ZNF385D: variants seen among roughly 807,000 people sequenced by gnomAD.
ZNF385D encodes the protein zinc finger protein 659.
ZNF385D carries 15 observed loss-of-function variants against 35.8 expected under a neutral mutation model. That is an observed-to-expected ratio of 0.42 (90% CI 0.28 to 0.64). The LOEUF is 0.64. Ranked by LOEUF, ZNF385D falls within the 30% of genes least tolerant of loss-of-function variation. The pLI is 0.23. For synonymous variants in ZNF385D, 212 were observed against 186.8 expected, an observed-to-expected ratio of 1.13 and a Z score of -1.10; for missense variants, 474 against 494.6, an observed-to-expected ratio of 0.96 and a Z score of 0.39.
chr3:22,329,929 C>T (rs755461170), intron 2 of ZNF385D, among the ~76,000 whole-genome samples: 1 of 152,162 alleles, frequency 6.6e-6, no homozygotes, highest in African/African-American at 2.4e-5. Flanking sequence ...AGACTAGCTA[C>T]ATTTCAAATG....
At chr3:21,899,694 T>C (rs73820180) in intron 3 of ZNF385D, among the ~76,000 whole-genome samples, 2,456 of 152,286 alleles carry the variant, frequency 0.016, 69 homozygotes, top group African/African-American at 0.056. Context: ...ATTAAAGGTT[T>C]ACTGCTTTAT....
chr3:22,321,355 C>CT (rs1289082285), intron 2 of ZNF385D, among the ~76,000 whole-genome samples: 2 of 151,588 alleles, frequency 1.3e-5, no homozygotes, highest in Middle Eastern at 3.2e-3. Flanking sequence ...TATGTGTGTA[C>CT]TTTTTTTAAA....
At chr3:21,817,726 G>A (rs905068806) in intron 3 of ZNF385D, among the ~76,000 whole-genome samples, 8 of 152,172 alleles carry the variant, frequency 5.3e-5, no homozygotes, top group Non-Finnish European at 1.2e-4. Context: ...CACTGTTGGT[G>A]GGACTGTAAA....
Position 22,307,969 on chromosome 3 carries a change from T to C in ZNF385D, c.106+64481A>G, listed in dbSNP as rs191582507. On this transcript the variant is annotated intron_variant, in intron 2 of 5. Transcript: ENST00000494108. Reference sequence around the variant, plus strand: ...AAATTACCCTTAATTTTTGAATTAGTTGAATCAGATTTTTAATACATACAT... The same window carrying C: ...AAATTACCCTTAATTTTTGAATTAGCTGAATCAGATTTTTAATACATACAT... 2.0e-5 allele frequency among the ~76,000 whole-genome samples: 3 copies of C among 152,198 alleles called. No individual in the cohort carries two copies. The East Asian group carries it at 5.8e-4, about 29-fold the overall frequency.
intron 3 of ZNF385D, among the ~76,000 whole-genome samples, chr3:22,009,105 C>G (rs757939962): frequency 6.6e-6 from 1 of 152,168 alleles, no homozygotes; most frequent in African/African-American, 2.4e-5. Context: ...TTAGAGAGCA[C>G]ATTGTAATAT....
intron 5 of ZNF385D, among the ~76,000 whole-genome samples, chr3:21,436,480 A>G (rs1008684396): frequency 2.0e-5 from 3 of 152,178 alleles, no homozygotes; most frequent in African/African-American, 7.2e-5. Context: ...GAATGGGCAC[A>G]TAATAAACAC....
At chr3:21,823,386 C>G (rs1275310925) in intron 3 of ZNF385D, among the ~76,000 whole-genome samples, 1 of 152,124 alleles carries the variant, frequency 6.6e-6, no homozygotes, top group African/African-American at 2.4e-5. Context: ...ATTTACTGGA[C>G]TTTGCATTCA....
intron 3 of ZNF385D, among the ~76,000 whole-genome samples, chr3:21,890,558 G>T (rs1485366353): frequency 6.6e-6 from 1 of 152,164 alleles, no homozygotes; most frequent in Admixed American, 6.5e-5. Flanking sequence ...GGCGGAGGTT[G>T]CAGTGAGCCA....
At chr3:21,827,219 G>A (rs1490595039) in intron 3 of ZNF385D, among the ~76,000 whole-genome samples, 4 of 151,976 alleles carry the variant, frequency 2.6e-5, no homozygotes, top group Admixed American at 2.0e-4. Context: ...ACCTCCCTCA[G>A]GAATTGACAG....
chr3:21,736,412 A>G (rs2069244823), intron 1 of ZNF385D, among the ~76,000 whole-genome samples: 1 of 152,226 alleles, frequency 6.6e-6, no homozygotes, highest in South Asian at 2.1e-4. Context: ...AATCACTGAA[A>G]TGTGGAATAA....
intron 3 of ZNF385D, among the ~76,000 whole-genome samples, chr3:21,817,892 G>A (rs1321585636): frequency 6.6e-6 from 1 of 152,132 alleles, no homozygotes; most frequent in African/African-American, 2.4e-5. Context: ...TGTTTATTGT[G>A]GCACTACTCA....
At chr3:22,018,925 A>G (rs1216961019) in intron 3 of ZNF385D, among the ~76,000 whole-genome samples, 1 of 151,618 alleles carries the variant, frequency 6.6e-6, no homozygotes, top group African/African-American at 2.4e-5. Context: ...TACGGAGTAC[A>G]GGATTGAACG....
intron 1 of ZNF385D, among the ~76,000 whole-genome samples, chr3:21,668,062 A>G (rs2066459200): frequency 6.6e-6 from 1 of 152,210 alleles, no homozygotes; most frequent in African/African-American, 2.4e-5. Flanking sequence ...ATATTTTTAG[A>G]CTATCTGCTA....
chr3:22,182,691 CA>C (rs1166784839), intron 2 of ZNF385D, among the ~76,000 whole-genome samples: 2 of 151,770 alleles, frequency 1.3e-5, no homozygotes, highest in Non-Finnish European at 2.9e-5. Context: ...TTCTATTATC[CA>C]AATAAGTTTG....
intron 2 of ZNF385D, among the ~76,000 whole-genome samples, chr3:21,601,700 C>T (rs1206796779): frequency 6.6e-6 from 1 of 152,104 alleles, no homozygotes; most frequent in Non-Finnish European, 1.5e-5. Flanking sequence ...CCAAAGATGC[C>T]CTGCTCTGTG....
chr3:21,882,114 A>C lies in ZNF385D; in HGVS notation c.326-217086T>G, dbSNP rs149423917. Among the ~76,000 whole-genome samples the C allele has an allele frequency of 2.0e-5, 3 of 152,204 alleles. No homozygotes were observed. In the East Asian group the frequency reaches 5.8e-4, roughly 29 times the overall value. ...AGAATATTACATTAACTTAGTTAAT[A>C]AATCAGTGGCAGAGTTTCAGAGGAC... On this transcript the variant is annotated intron_variant, in intron 3 of 5. Transcript: ENST00000494108.
At position 22,279,444 on chromosome 3, in the gene ZNF385D, C is replaced by T. The variant is rs1203338261; in HGVS notation, c.106+93006G>A. Among the ~76,000 whole-genome samples the T allele has an allele frequency of 2.0e-5, 3 of 150,426 alleles. No homozygotes were observed. The South Asian group carries it at 6.3e-4, about 32-fold the overall frequency. ...TACTGCAAATGCTATTATTTCATTC[C>T]CTTTTAAGGCTGAATAGTATTCCAC... On this transcript the variant is annotated intron_variant, in intron 2 of 5. Transcript: ENST00000494108.
At position 22,302,011 on chromosome 3, in the gene ZNF385D, C is replaced by T. The variant is rs1005267075; in HGVS notation, c.106+70439G>A. ...GTGCACACTTCATTTTTTCATTTTC[C>T]TATTTACTGACATTTATATTGTTTC... On this transcript the variant is annotated intron_variant, in intron 2 of 5. Transcript: ENST00000494108. 7.9e-5 allele frequency among the ~76,000 whole-genome samples: 12 copies of T among 151,866 alleles called. No individual in the cohort carries two copies. The East Asian group carries it at 9.7e-4, about 12-fold the overall frequency.
chr3:21,764,081 T>G (rs112347130), intron 3 of ZNF385D, among the ~76,000 whole-genome samples: 3 of 152,070 alleles, frequency 2.0e-5, no homozygotes, highest in African/African-American at 7.2e-5. Context: ...TCAGGGAGAT[T>G]AGAGAAGGGC....
Sources: allele counts gnomAD v4.1 joint callset (sites outside exome capture counted in the v4.1 genomes callset), GRCh38; gene constraint gnomAD v4.1.1; transcripts MANE v1.5; gene names NCBI Gene and HGNC (gene_info 2026-07-23, HGNC 2026-07-21).